SEMA5A: variants seen among roughly 807,000 people sequenced by gnomAD.
SEMA5A encodes semaphorin-5A.
SEMA5A carries 55 observed loss-of-function variants against 135.5 expected under a neutral mutation model. The observed-to-expected ratio is 0.41, with a 90% CI of 0.33 to 0.51. The LOEUF (loss-of-function observed/expected upper bound fraction) is 0.51. SEMA5A is among the 20% of genes least tolerant of loss of function. SEMA5A has a pLI of 0.37. For synonymous variants in SEMA5A, 580 were observed against 546.5 expected, an observed-to-expected ratio of 1.06 and a Z score of -0.85; for missense variants, 1,290 against 1,419.9, an observed-to-expected ratio of 0.91 and a Z score of 1.47.
At chr5:9,439,815 G>A (rs892174470) in intron 1 of SEMA5A, among the ~76,000 whole-genome samples, 5 of 152,194 alleles carry the variant, frequency 3.3e-5, no homozygotes, top group African/African-American at 1.2e-4. Flanking sequence ...CCTTCCTTGT[G>A]GAAAAGCAAT....
At chr5:9,467,872 A>G (rs955348426) in intron 1 of SEMA5A, among the ~76,000 whole-genome samples, 1 of 152,258 alleles carries the variant, frequency 6.6e-6, no homozygotes, top group African/African-American at 2.4e-5. Context: ...TGAAAGTTTT[A>G]AAGGTTTATT....
chr5:9,272,968 C>T (rs1399256876), intron 5 of SEMA5A, among the ~76,000 whole-genome samples: 1 of 152,162 alleles, frequency 6.6e-6, no homozygotes, highest in Non-Finnish European at 1.5e-5. Context: ...AGGTTCACAA[C>T]TCCTCACCAG....
At chr5:9,466,785 C>T (rs1282557221) in intron 1 of SEMA5A, among the ~76,000 whole-genome samples, 2 of 152,220 alleles carry the variant, frequency 1.3e-5, no homozygotes, top group African/African-American at 2.4e-5. Context: ...CCTCTTCCCA[C>T]TCAGCATTAA....
At chr5:9,363,030 G>T (rs1240258308) in intron 3 of SEMA5A, among the ~76,000 whole-genome samples, 1 of 152,102 alleles carries the variant, frequency 6.6e-6, no homozygotes, top group African/African-American at 2.4e-5. Flanking sequence ...TCTTTGAATA[G>T]GGTCAGGAAA....
intron 15 of SEMA5A, among the ~76,000 whole-genome samples, chr5:9,109,031 T>TTTTTTTC (rs1740088548): frequency 8.0e-5 from 3 of 37,614 alleles, no homozygotes; most frequent in African/African-American, 4.8e-4. Context: ...CTCTTCAATT[T>TTTTTTTC]TTTTTTTTTT....
intron 9 of SEMA5A, among the ~76,000 whole-genome samples, chr5:9,199,656 A>C (rs1180021468): frequency 1.3e-5 from 2 of 152,134 alleles, no homozygotes; most frequent in Non-Finnish European, 2.9e-5. Flanking sequence ...AAGAGCAATA[A>C]AAAAATCCTA....
At chr5:9,229,614 G>C (rs1016986414) in intron 6 of SEMA5A, among the ~76,000 whole-genome samples, 2 of 152,056 alleles carry the variant, frequency 1.3e-5, no homozygotes, top group Non-Finnish European at 2.9e-5. Flanking sequence ...ACCATCATAA[G>C]GACTGGGATG....
chr5:9,259,508 G>A (rs1245581142), intron 5 of SEMA5A, among the ~76,000 whole-genome samples: 2 of 150,744 alleles, frequency 1.3e-5, no homozygotes, highest in Admixed American at 6.6e-5. Context: ...GTGGTGTGGT[G>A]CTGAAAAAAA....
intron 13 of SEMA5A, among the ~76,000 whole-genome samples, chr5:9,131,607 CAAAAAAAAAAAAAAAAAAAAA>C (rs1266278269): frequency 1.6e-5 from 1 of 61,162 alleles, no homozygotes; most frequent in Non-Finnish European, 2.6e-5. Flanking sequence ...GACTCCATCT[CAAAAAAAAAAAAAAAAAAAAA>C]AAAAAAAAAA....
At chr5:9,085,654 G>A (rs184705404) in intron 16 of SEMA5A, among the ~76,000 whole-genome samples, 2 of 152,294 alleles carry the variant, frequency 1.3e-5, no homozygotes, top group East Asian at 3.9e-4. Context: ...CAGGGGTGGG[G>A]CTCTCATGGA....
At chr5:9,318,482 A>T (rs1418988814) in intron 4 of SEMA5A, 65 bp from the exon 5 acceptor site, 12 of 1,333,388 alleles carry the variant, frequency 9.0e-6, no homozygotes, top group Non-Finnish European at 1.1e-5. Context: ...GAGTTTATAA[A>T]AATTTCAAGA....
chr5:9,438,680 C>T (rs1758122281), intron 1 of SEMA5A, among the ~76,000 whole-genome samples: 1 of 152,144 alleles, frequency 6.6e-6, no homozygotes, highest in Non-Finnish European at 1.5e-5. Context: ...TCTGGTTTTT[C>T]TCTACACTTC....
At chr5:9,081,735 T>C (rs1455741954) in intron 16 of SEMA5A, among the ~76,000 whole-genome samples, 1 of 152,218 alleles carries the variant, frequency 6.6e-6, no homozygotes, top group African/African-American at 2.4e-5. Context: ...AATTTAACTC[T>C]CCAGAATAGT....
chr5:9,389,110 C>G (rs2126521292), intron 2 of SEMA5A, among the ~76,000 whole-genome samples: 1 of 152,232 alleles, frequency 6.6e-6, no homozygotes, highest in East Asian at 1.9e-4. Flanking sequence ...CTAGATATCT[C>G]CATGGCCTTT....
At chr5:9,377,785 A>G (rs759886760) in intron 3 of SEMA5A, among the ~76,000 whole-genome samples, 52 of 152,300 alleles carry the variant, frequency 3.4e-4, no homozygotes, top group Admixed American at 7.2e-4. Context: ...AGTTTATGGT[A>G]TGTTTTAAAA....
Position 9,346,217 on chromosome 5 carries a change from T to C in SEMA5A, c.125-8405A>G, listed in dbSNP as rs572128274. On this transcript the variant is annotated intron_variant, in intron 3 of 22. Coordinates refer to ENST00000382496, the MANE Select transcript of SEMA5A (RefSeq NM_003966.3). Reference sequence around the variant, plus strand: ...TGACTTCAGAGGGACAGTTTGATGGTGTAACTTTGAAGAAGAATCTGGCCA... The same window carrying C: ...TGACTTCAGAGGGACAGTTTGATGGCGTAACTTTGAAGAAGAATCTGGCCA... Among the ~76,000 whole-genome samples, 7 of 152,046 alleles carry C rather than the reference T, an allele frequency of 4.6e-5. No individual in the cohort carries two copies. In the East Asian group the frequency reaches 1.4e-3, roughly 29 times the overall value.
At chr5:9,451,960 A>G (rs1019988237) in intron 1 of SEMA5A, among the ~76,000 whole-genome samples, 1 of 152,204 alleles carries the variant, frequency 6.6e-6, no homozygotes, top group Non-Finnish European at 1.5e-5. Flanking sequence ...GGAAAAAAAG[A>G]TGAAGGAAAT....
intron 12 of SEMA5A, among the ~76,000 whole-genome samples, chr5:9,136,926 CA>C (rs1354012719): frequency 6.6e-6 from 1 of 152,196 alleles, no homozygotes; most frequent in Non-Finnish European, 1.5e-5. Context: ...CAAGATTCTA[CA>C]ATGTTCAAAA....
rs187479690 is a variant in SEMA5A at position 9,193,273 on chromosome 5, G to A, written c.1069-2802C>T. Reference sequence around the variant, plus strand: ...TTTATGCTGGACTCCCGCTGTGTCCGTGTGGGGCACTGTGTGACTCCCTGG... The same window carrying A: ...TTTATGCTGGACTCCCGCTGTGTCCATGTGGGGCACTGTGTGACTCCCTGG... On this transcript the variant is annotated intron_variant, in intron 10 of 22. Transcript: ENST00000382496. Among the ~76,000 whole-genome samples, 4 of 152,168 alleles carry A rather than the reference G, an allele frequency of 2.6e-5. No homozygotes were observed. The East Asian group carries it at 5.8e-4, about 22-fold the overall frequency.
Sources: gnomAD v4.1 joint callset for allele counts (sites outside exome capture counted in the v4.1 genomes callset) on GRCh38, gnomAD v4.1.1 for gene constraint, MANE v1.5 for transcripts, NCBI Gene and HGNC (gene_info 2026-07-23, HGNC 2026-07-21) for gene names.